ARFGAP3: variants seen among roughly 807,000 people sequenced by gnomAD.
The protein encoded by ARFGAP3 is ARF GTPase activating protein 3, also known as ADP-ribosylation factor GTPase-activating protein 3.
Under a neutral mutation model 75.0 loss-of-function variants are expected in ARFGAP3, and 72 were observed. The observed-to-expected ratio is 0.96, with a 90% confidence interval of 0.79 to 1.17. The LOEUF is 1.17. ARFGAP3 is among the 50% of genes most tolerant of loss of function. The probability of loss-of-function intolerance (pLI) is 0.00; values close to 1 mark genes in which losing one functional copy is unlikely to be tolerated. For synonymous variants in ARFGAP3, 221 were observed against 217.9 expected, an observed-to-expected ratio of 1.01 and a Z score of -0.13; for missense variants, 620 against 626.6, an observed-to-expected ratio of 0.99 and a Z score of 0.11.
intron 5 of ARFGAP3, among the ~76,000 whole-genome samples, chr22:42,833,276 G>T (rs1457334219): frequency 6.6e-6 from 1 of 152,190 alleles, no homozygotes; most frequent in Admixed American, 6.6e-5. Context: ...CACTGAGAAT[G>T]AAACCCCTAT....
At chr22:42,850,297 T>G (rs1602135803) in intron 1 of ARFGAP3, among the ~76,000 whole-genome samples, 1 of 151,820 alleles carries the variant, frequency 6.6e-6, no homozygotes, top group South Asian at 2.1e-4. Flanking sequence ...ATAGGCTGGG[T>G]GCAGTGGCTC....
At chr22:42,847,720 C>T (rs1395871019) in intron 1 of ARFGAP3, 88 bp from the exon 2 acceptor site, 3 of 1,461,230 alleles carry the variant, frequency 2.1e-6, no homozygotes, top group Admixed American at 2.6e-5. Flanking sequence ...AGCTTGAAAA[C>T]TGTTTAACCT....
chr22:42,803,597 C>T (rs751710620), intron 14 of ARFGAP3, among the ~76,000 whole-genome samples: 18 of 152,212 alleles, frequency 1.2e-4, no homozygotes, highest in Non-Finnish European at 2.2e-4. Flanking sequence ...TGCCTCACGC[C>T]TGCCTGAGGC....
At chr22:42,847,291 T>C in intron 2 of ARFGAP3, 2 of 417,660 alleles carry the variant, frequency 4.8e-6, no homozygotes, top group Non-Finnish European at 8.6e-6. Context: ...TTCAGCCTCC[T>C]GAGTAACTAG....
intron 14 of ARFGAP3, among the ~76,000 whole-genome samples, chr22:42,801,605 G>A (rs1924863735): frequency 6.6e-6 from 1 of 152,236 alleles, no homozygotes; most frequent in Non-Finnish European, 1.5e-5. Context: ...CCTGGCACTG[G>A]CCATGGGACA....
intron 2 of ARFGAP3, among the ~76,000 whole-genome samples, chr22:42,843,482 A>T (rs1008989100): frequency 6.6e-6 from 1 of 151,778 alleles, no homozygotes; most frequent in Non-Finnish European, 1.5e-5. Flanking sequence ...CTATCCTCCC[A>T]CCCCGGCCTC....
intron 8 of ARFGAP3, among the ~76,000 whole-genome samples, chr22:42,822,836 C>T (rs1268292069): frequency 6.6e-6 from 1 of 151,836 alleles, no homozygotes; most frequent in East Asian, 1.9e-4. Context: ...TTGAGACAGG[C>T]TCTCATGCTG....
chr22:42,852,813 G>GA (rs1381086262), intron 1 of ARFGAP3, among the ~76,000 whole-genome samples: 2 of 151,190 alleles, frequency 1.3e-5, no homozygotes, highest in Non-Finnish European at 3.0e-5. Context: ...TGCCCAGGCT[G>GA]GAGTGCAGTG....
At position 42,822,298 on chromosome 22, in the gene ARFGAP3, C is replaced by T. The variant is rs149778961; in HGVS notation, c.784G>A (p.Ala262Thr). The change falls in exon 9 of 16, where the codon GCC (alanine) becomes ACC (threonine). Residue 262 changes from alanine to threonine, a missense_variant. Coordinates refer to ENST00000263245, the MANE Select transcript of ARFGAP3 (RefSeq NM_014570.5). ...ADKMKEQEDL[A>T]KVVSKEESIV... Reference sequence around the variant, plus strand: ...GATTCTTCTTTAGATACCACCTTGGCCAGGTCTTCCTGCTCCTTCATTTTA... The same window carrying T: ...GATTCTTCTTTAGATACCACCTTGGTCAGGTCTTCCTGCTCCTTCATTTTA... 3.1e-5 allele frequency: 50 copies of T among 1,613,898 alleles called. No homozygotes were observed. In the African/African-American group the frequency reaches 6.7e-4, roughly 22 times the overall value.
In ARFGAP3 at chr22:42,847,635, G is replaced by GA. The variant is rs780851342; in HGVS notation, c.70-4dup. The GA allele has an allele frequency of 2.9e-5, 46 of 1,598,416 alleles. No individual in the cohort carries two copies. The highest frequency in any genetic ancestry group is 1.8e-4 in the African/African-American group (13 of 73,620). ...TTGGCACCACAATCAAAACACACCT[G>GA]AAAAAAAATGTTAAATTCAGTTACT... is the stretch of plus-strand genomic sequence containing the variant. On this transcript the variant is annotated splice_polypyrimidine_tract_variant and splice_region_variant and intron_variant, in intron 1 of 15. Coordinates refer to ENST00000263245, the MANE Select transcript of ARFGAP3 (RefSeq NM_014570.5).
At chr22:42,854,235 G>GC (rs1262950620) in intron 1 of ARFGAP3, among the ~76,000 whole-genome samples, 26 of 152,340 alleles carry the variant, frequency 1.7e-4, no homozygotes, top group African/African-American at 6.3e-4. Flanking sequence ...GCCCAGCATA[G>GC]CATAGGTGCT....
At chr22:42,816,750 T>C (rs1925595708) in intron 11 of ARFGAP3, among the ~76,000 whole-genome samples, 1 of 152,220 alleles carries the variant, frequency 6.6e-6, no homozygotes, top group African/African-American at 2.4e-5. Flanking sequence ...CAACTGGAGT[T>C]TTCTGAAGCT....
chr22:42,807,131 C>T lies in ARFGAP3; in HGVS notation c.1353G>A (p.Ser451=), dbSNP rs738535. The change falls in exon 14 of 16, where the codon TCG becomes TCA. Residue 451 remains serine (S), a synonymous_variant. Transcript: ENST00000263245. ...CAGCCGAGCTTATGGAGGAACTTGC[C>T]GACAGCCTCTCTAGGCGGGCCCTGG... is the stretch of plus-strand genomic sequence containing the variant. The part of the protein sequence containing the change: ...YETRARLERL[S]ASSSISSADL... 686,620 of 1,610,560 alleles carry T rather than the reference C, an allele frequency of 0.43. 151,191 individuals carry two copies. Among genetic ancestry groups the T allele is most frequent in the Middle Eastern group, 0.48 (2,896 of 6,056 alleles).
At position 42,857,221 on chromosome 22, in the gene ARFGAP3, C is replaced by G; in HGVS notation, c.-39G>C. On this transcript the variant is annotated 5_prime_UTR_variant, in exon 1 of 16. Transcript: ENST00000263245. ...CCGCGGCGCAGCTGGCCCAGCCAACCGGTAAGAGTCGACGAAAAGCGGCTA... is the reference window on the plus strand; with the variant it reads ...CCGCGGCGCAGCTGGCCCAGCCAACGGGTAAGAGTCGACGAAAAGCGGCTA... 1.3e-6 allele frequency: 2 copies of G among 1,497,136 alleles called. No individual in the cohort carries two copies. The highest frequency in any genetic ancestry group is 1.3e-5 in the South Asian group (1 of 79,798). 92.7% of individuals were successfully genotyped at this position (1,497,136 alleles called of 1,614,324 possible).
intron 4 of ARFGAP3, 24 bp downstream of exon 4, chr22:42,835,338 A>G (rs1926470626): frequency 6.2e-7 from 1 of 1,610,002 alleles, no homozygotes; most frequent in African/African-American, 1.3e-5. Context: ...TCTAAAGGAA[A>G]CAATCCAGCC....
At chr22:42,823,832 C>A in intron 7 of ARFGAP3, 130 bp from the exon 8 acceptor site, 1 of 1,143,246 alleles carries the variant, frequency 8.7e-7, no homozygotes, top group Non-Finnish European at 1.2e-6. Flanking sequence ...TTTAGTTTCT[C>A]ATCCAGAAGA....
intron 3 of ARFGAP3, among the ~76,000 whole-genome samples, chr22:42,837,056 G>C (rs5758973): frequency 0.19 from 28,940 of 152,120 alleles, 4,451 homozygotes; most frequent in East Asian, 0.56. Context: ...AGTTTGGAGG[G>C]TGACTCTGCA....
chr22:42,801,261 G>A (rs977609929), intron 14 of ARFGAP3, among the ~76,000 whole-genome samples: 3 of 152,180 alleles, frequency 2.0e-5, no homozygotes, highest in Admixed American at 6.5e-5. Flanking sequence ...TGTTTCCCAG[G>A]TTTCTGCTTG....
intron 6 of ARFGAP3, among the ~76,000 whole-genome samples, chr22:42,829,337 T>G (rs1926183429): frequency 6.6e-6 from 1 of 152,162 alleles, no homozygotes; most frequent in Non-Finnish European, 1.5e-5. Flanking sequence ...GTCTTAAAGC[T>G]GAACCCCAAC....
Sources: gnomAD v4.1 joint callset for allele counts (sites outside exome capture counted in the v4.1 genomes callset) on GRCh38, gnomAD v4.1.1 for gene constraint, MANE v1.5 for transcripts, NCBI Gene and HGNC (gene_info 2026-07-23, HGNC 2026-07-21) for gene names.